Variants in MACROD2 observed in about 807,000 individuals in gnomAD.
MACROD2 encodes ADP-ribose glycohydrolase MACROD2.
Under a neutral mutation model 70.4 loss-of-function variants are expected in MACROD2, and 36 were observed. The observed-to-expected ratio is 0.51, with a 90% CI of 0.39 to 0.68. The LOEUF (loss-of-function observed/expected upper bound fraction) is 0.68, where lower values mean the gene tolerates loss of function less well. Ranked by LOEUF, MACROD2 falls within the 30% of genes least tolerant of loss-of-function variation. The probability of loss-of-function intolerance (pLI) is 0.00; values close to 1 mark genes in which losing one functional copy is unlikely to be tolerated. For missense variants in MACROD2, 496 were observed against 538.4 expected, an observed-to-expected ratio of 0.92 and a Z score of 0.78; for synonymous variants, 172 against 178.8, an observed-to-expected ratio of 0.96 and a Z score of 0.30.
chr20:14,851,817 AAC>A (rs1446926684), intron 5 of MACROD2, among the ~76,000 whole-genome samples: 3 of 152,194 alleles, frequency 2.0e-5, no homozygotes, highest in Admixed American at 2.0e-4. Context: ...CAGAAAACAA[AAC>A]AGTGTCATAA....
intron 2 of MACROD2, among the ~76,000 whole-genome samples, chr20:14,016,715 A>T (rs985081828): frequency 1.3e-5 from 2 of 152,146 alleles, no homozygotes; most frequent in African/African-American, 4.8e-5. Context: ...CATTCTATTG[A>T]TTTGTAAATC....
chr20:15,240,595 G>C (rs568774406), intron 6 of MACROD2, among the ~76,000 whole-genome samples: 1 of 152,156 alleles, frequency 6.6e-6, no homozygotes, highest in African/African-American at 2.4e-5. Context: ...AAAGGAAAAT[G>C]GGATAACATA....
At chr20:14,032,434 C>A (rs1402408236) in intron 2 of MACROD2, among the ~76,000 whole-genome samples, 1 of 152,082 alleles carries the variant, frequency 6.6e-6, no homozygotes, top group Non-Finnish European at 1.5e-5. Flanking sequence ...ATATGAGTAC[C>A]TGTTTTCTCA....
At chr20:15,374,030 T>A (rs983166090) in intron 6 of MACROD2, among the ~76,000 whole-genome samples, 1 of 152,138 alleles carries the variant, frequency 6.6e-6, no homozygotes, top group Non-Finnish European at 1.5e-5. Flanking sequence ...ATTCATGTCT[T>A]TTGTCAACTC....
intron 3 of MACROD2, among the ~76,000 whole-genome samples, chr20:14,115,047 A>G (rs1010413085): frequency 3.3e-5 from 5 of 152,116 alleles, no homozygotes; most frequent in Non-Finnish European, 7.4e-5. Flanking sequence ...TACTGAGTCC[A>G]GTACTAGCCC....
chr20:15,152,152 C>T lies in MACROD2; in HGVS notation c.419-77788C>T, dbSNP rs368554015. The stretch of plus-strand genomic sequence containing the variant: ...TGTAGGATGGAAAAATTGAAAGTGC[C>T]GTTTTCCGGCTATTTGGAACCACTG... On this transcript the variant is annotated intron_variant, in intron 5 of 17. Coordinates refer to ENST00000684519, the MANE Select transcript of MACROD2 (RefSeq NM_001351661.2). Among the ~76,000 whole-genome samples the T allele has an allele frequency of 7.9e-5, 12 of 152,000 alleles. No homozygotes were observed. The East Asian group carries it at 9.7e-4, about 12-fold the overall frequency.
chr20:15,636,098 A>AAAAAAG (rs1555851926), intron 8 of MACROD2, among the ~76,000 whole-genome samples: 5 of 138,508 alleles, frequency 3.6e-5, no homozygotes, highest in Non-Finnish European at 7.7e-5. Flanking sequence ...AAAAAGAAAG[A>AAAAAAG]AAAGAAAAGA....
intron 6 of MACROD2, among the ~76,000 whole-genome samples, chr20:15,387,383 CTACCTCTCTGCA>C (rs2045730225): frequency 1.6e-5 from 1 of 62,488 alleles, no homozygotes; most frequent in Admixed American, 1.6e-4. Context: ...CCCTCTCTTC[CTACCTCTCTGCA>C]GTCTGCACTT....
intron 2 of MACROD2, among the ~76,000 whole-genome samples, chr20:14,026,663 A>G (rs966009561): frequency 1.3e-5 from 2 of 152,284 alleles, no homozygotes; most frequent in South Asian, 2.1e-4. Context: ...AGAACGTTGA[A>G]TATTGGCCCC....
chr20:14,964,524 G>C (rs2074613852), intron 5 of MACROD2, among the ~76,000 whole-genome samples: 1 of 151,726 alleles, frequency 6.6e-6, no homozygotes, highest in Non-Finnish European at 1.5e-5. Context: ...AGTGAGCCGA[G>C]ATCGCGCCAC....
intron 6 of MACROD2, among the ~76,000 whole-genome samples, chr20:15,380,246 G>T (rs2045625032): frequency 6.6e-6 from 1 of 152,050 alleles, no homozygotes; most frequent in South Asian, 2.1e-4. Context: ...ATCTATTTTT[G>T]TAGCAGGATG....
intron 1 of MACROD2, among the ~76,000 whole-genome samples, chr20:13,997,259 TGATA>T (rs1269865370): frequency 3.9e-5 from 6 of 152,222 alleles, no homozygotes; most frequent in African/African-American, 7.2e-5. Flanking sequence ...AGTAATAGCC[TGATA>T]GATAAAGTAG....
chr20:14,823,056 C>T (rs1245303504), intron 5 of MACROD2, among the ~76,000 whole-genome samples: 1 of 152,050 alleles, frequency 6.6e-6, no homozygotes, highest in African/African-American at 2.4e-5. Context: ...ACTAGTTTCT[C>T]TGTGTCTTTC....
intron 3 of MACROD2, among the ~76,000 whole-genome samples, chr20:14,491,982 T>C (rs2084800140): frequency 6.6e-6 from 1 of 152,150 alleles, no homozygotes; most frequent in Non-Finnish European, 1.5e-5. Context: ...AATGTTTGGT[T>C]TAGCCTACAG....
At chr20:15,680,703 T>C (rs2050148733) in intron 8 of MACROD2, among the ~76,000 whole-genome samples, 3 of 152,144 alleles carry the variant, frequency 2.0e-5, no homozygotes, top group Admixed American at 2.0e-4. Flanking sequence ...TCAGAGTTGT[T>C]TTCAAGGTCA....
intron 4 of MACROD2, among the ~76,000 whole-genome samples, chr20:14,510,311 G>A (rs745979429): frequency 5.6e-4 from 83 of 147,374 alleles, no homozygotes; most frequent in Non-Finnish European, 1.0e-3. Context: ...TTCAGAATAT[G>A]TTGTGTAATT....
rs115710277 is a variant in MACROD2, at chr20:14,009,031, C to T, written c.163+6627C>T. ...ACTAAAAATCCTGGAAGACAACATA[C>T]GCAGTACCATTCAGGATCTAGGCAT... On this transcript the variant is annotated intron_variant, in intron 2 of 17. Transcript: ENST00000684519. 9.8e-3 allele frequency among the ~76,000 whole-genome samples: 1,488 copies of T among 152,172 alleles called. 21 individuals carry two copies. The highest frequency in any genetic ancestry group is 0.032 in the African/African-American group (1,326 of 41,522).
chr20:14,117,417 C>A (rs1292855278), intron 3 of MACROD2, among the ~76,000 whole-genome samples: 2 of 152,100 alleles, frequency 1.3e-5, no homozygotes, highest in Non-Finnish European at 2.9e-5. Flanking sequence ...CAAATACTTG[C>A]AGATAACATT....
chr20:15,182,018 C>G (rs1344589963), intron 5 of MACROD2, among the ~76,000 whole-genome samples: 1 of 151,830 alleles, frequency 6.6e-6, no homozygotes, highest in South Asian at 2.1e-4. Flanking sequence ...AGATCATACC[C>G]CTAGAGTACA....
Sources: allele counts gnomAD v4.1 joint callset (sites outside exome capture counted in the v4.1 genomes callset), GRCh38; gene constraint gnomAD v4.1.1; transcripts MANE v1.5; gene names NCBI Gene and HGNC (gene_info 2026-07-23, HGNC 2026-07-21).